The following DPH6 variants were observed in gnomAD, a reference collection of about 807,000 sequenced individuals.
DPH6 encodes the protein diphthamine biosynthesis 6.
Under a neutral mutation model 38.2 loss-of-function variants are expected in DPH6, and 33 were observed. That is an observed-to-expected ratio of 0.86 (90% CI 0.65 to 1.15). The LOEUF is 1.15. DPH6 is among the 50% of genes most tolerant of loss of function. The pLI is 0.00. For missense variants in DPH6, 325 were observed against 320.0 expected (o/e 1.02, Z -0.12); for synonymous variants, 108 against 103.0 (o/e 1.05, Z -0.30).
chr15:35,222,101 T>C (rs1485521898), intron 3 of DPH6, among the ~76,000 whole-genome samples: 1 of 152,232 alleles, frequency 6.6e-6, no homozygotes, highest in Non-Finnish European at 1.5e-5. Flanking sequence ...TTAACATTTC[T>C]ATCAATATTC....
intron 5 of DPH6, among the ~76,000 whole-genome samples, chr15:35,422,307 G>A (rs1421623327): frequency 6.6e-6 from 1 of 151,844 alleles, no homozygotes; most frequent in African/African-American, 2.4e-5. Context: ...TAGATGAAAT[G>A]AGAAGAGAAG....
rs138382437 is a variant in DPH6, at chr15:35,466,630, T to TA, written c.313-11811dup. ...GTTGTAAGATATTTAACAATGGGCA[T>TA]ACATTCTAAGGAATGAGTCATTATG... On this transcript the variant is annotated intron_variant, in intron 3 of 8. Transcript: ENST00000256538. Among the ~76,000 whole-genome samples the TA allele has an allele frequency of 6.6e-3, 1,011 of 152,334 alleles. 19 individuals are homozygous for TA. The highest frequency in any genetic ancestry group is 0.023 in the African/African-American group (965 of 41,564).
chr15:35,441,610 T>C (rs143584478), intron 5 of DPH6, among the ~76,000 whole-genome samples: 1,740 of 152,170 alleles, frequency 0.011, 25 homozygotes, highest in African/African-American at 0.04. Context: ...AGTTGAACAA[T>C]GAGAACACTT....
chr15:35,346,304 G>A (rs112118787), intron 3 of DPH6, among the ~76,000 whole-genome samples: 3,331 of 152,140 alleles, frequency 0.022, 50 homozygotes, highest in African/African-American at 0.043. Context: ...TTGGAAGTGT[G>A]TGAAGGTACT....
intron 6 of DPH6, among the ~76,000 whole-genome samples, chr15:35,409,756 G>A (rs1426725442): frequency 6.6e-6 from 1 of 151,844 alleles, no homozygotes; most frequent in East Asian, 1.9e-4. Context: ...TATCACATAA[G>A]CATAGAAAGC....
downstream of DPH6, among the ~76,000 whole-genome samples, chr15:35,328,983 A>G (rs886517945): frequency 6.6e-6 from 1 of 152,202 alleles, no homozygotes; most frequent in Non-Finnish European, 1.5e-5. Flanking sequence ...AGATGTCATA[A>G]GACTTATTCA....
chr15:35,177,814 T>C, the DPH6 span, among the ~76,000 whole-genome samples: 4 of 151,878 alleles, frequency 2.6e-5, no homozygotes, highest in Middle Eastern at 3.4e-3. Flanking sequence ...TGGTGGCACA[T>C]GCCTGTAATC....
At chr15:35,444,018 G>A (rs73380720) in intron 5 of DPH6, among the ~76,000 whole-genome samples, 4,820 of 152,228 alleles carry the variant, frequency 0.032, 247 homozygotes, top group African/African-American at 0.11. Context: ...AGAGTTCCAA[G>A]ACCATCAGAA....
chr15:35,147,764 A>G, the DPH6 span, among the ~76,000 whole-genome samples: 1 of 152,234 alleles, frequency 6.6e-6, no homozygotes, highest in Non-Finnish European at 1.5e-5. Flanking sequence ...CAGGTGAGTG[A>G]GAATTACTAA....
chr15:35,467,969 G>A (rs1290091332), intron 3 of DPH6, among the ~76,000 whole-genome samples: 1 of 152,182 alleles, frequency 6.6e-6, no homozygotes, highest in Non-Finnish European at 1.5e-5. Flanking sequence ...CGGAAACACC[G>A]TATACATGGT....
Position 35,364,890 on chromosome 15 carries a change from C to T in DPH6, n.207+8631G>A, listed in dbSNP as rs146252686. 6.2e-4 allele frequency among the ~76,000 whole-genome samples: 94 copies of T among 152,096 alleles called. 2 individuals carry two copies. In the East Asian group the frequency reaches 0.016, roughly 26 times the overall value. On this transcript the variant is annotated intron_variant and non_coding_transcript_variant, in intron 3 of 3. Transcript: ENST00000558973. ...CATTCTCCCTCTAGTCTTTCTGACA[C>T]TCTAATTACATGTATTTTTGAGCTT...
At chr15:35,360,591 A>C (rs983133044) in intron 3 of DPH6, among the ~76,000 whole-genome samples, 1 of 152,204 alleles carries the variant, frequency 6.6e-6, no homozygotes, top group African/African-American at 2.4e-5. Context: ...TGTGGGTAGC[A>C]CTGCCCCCAG....
chr15:35,426,157 CAT>C (rs898774043), intron 5 of DPH6, among the ~76,000 whole-genome samples: 4 of 151,292 alleles, frequency 2.6e-5, no homozygotes, highest in African/African-American at 9.7e-5. Context: ...ATTTACAACA[CAT>C]GTTGGGAGTT....
chr15:35,183,829 C>G, the DPH6 span, among the ~76,000 whole-genome samples: 1 of 152,070 alleles, frequency 6.6e-6, no homozygotes, highest in Non-Finnish European at 1.5e-5. Flanking sequence ...AAAATAGAAC[C>G]ATCTTTGGGA....
At chr15:35,467,767 C>T (rs569316841) in intron 3 of DPH6, among the ~76,000 whole-genome samples, 1 of 152,218 alleles carries the variant, frequency 6.6e-6, no homozygotes, top group African/African-American at 2.4e-5. Flanking sequence ...GAGGGACCGG[C>T]CTGAGGCTGT....
chr15:35,259,413 C>A (rs1055071337), intron 3 of DPH6, among the ~76,000 whole-genome samples: 15 of 152,102 alleles, frequency 9.9e-5, no homozygotes, highest in African/African-American at 3.6e-4. Context: ...TTCACGCAAA[C>A]CTAATCATAT....
At chr15:35,503,153 C>G (rs2054649715) in intron 3 of DPH6, among the ~76,000 whole-genome samples, 1 of 150,878 alleles carries the variant, frequency 6.6e-6, no homozygotes, top group South Asian at 2.1e-4. Flanking sequence ...CAACTGTTGC[C>G]TGCTATGATT....
intron 3 of DPH6, among the ~76,000 whole-genome samples, chr15:35,354,682 C>T (rs1037546413): frequency 2.6e-5 from 4 of 152,132 alleles, no homozygotes; most frequent in Non-Finnish European, 4.4e-5. Flanking sequence ...ATTCGGTTTG[C>T]CAGTATTTTA....
At chr15:35,170,850 TTC>T in the DPH6 span, among the ~76,000 whole-genome samples, 1 of 152,188 alleles carries the variant, frequency 6.6e-6, no homozygotes, top group African/African-American at 2.4e-5. Flanking sequence ...GCTTATGTTA[TTC>T]TCTCTCTCTG....
Sources: gnomAD v4.1 joint callset for allele counts (sites outside exome capture counted in the v4.1 genomes callset) on GRCh38, gnomAD v4.1.1 for gene constraint, MANE v1.5 for transcripts, NCBI Gene and HGNC (gene_info 2026-07-23, HGNC 2026-07-21) for gene names.